SLC2A14: variants seen among roughly 807,000 people sequenced by gnomAD.
The protein encoded by SLC2A14 is solute carrier family 2, facilitated glucose transporter member 14.
In SLC2A14, 13 loss-of-function variants were observed where a neutral mutation model predicts 43.0. That is an observed-to-expected ratio of 0.30 (90% confidence interval 0.20 to 0.48). SLC2A14 has a LOEUF of 0.48. Among genes scored for constraint, SLC2A14 ranks in the 20% least tolerant of loss-of-function variants. The pLI, the probability that SLC2A14 is intolerant of heterozygous loss-of-function variation, is 0.99. For missense variants in SLC2A14, 428 were observed against 620.4 expected, an observed-to-expected ratio of 0.69 and a Z score of 3.29; for synonymous variants, 190 against 233.8, an observed-to-expected ratio of 0.81 and a Z score of 1.71.
chr12:7,870,923 T>C, intron 1 of SLC2A14: 1 of 1,415,730 alleles, frequency 7.1e-7, no homozygotes, highest in South Asian at 1.1e-5. Context: ...ATCCAATGTC[T>C]TCGTGATGTT....
At chr12:7,868,704 G>C (rs117012817) in intron 2 of SLC2A14, among the ~76,000 whole-genome samples, 3,824 of 152,164 alleles carry the variant, frequency 0.025, 75 homozygotes, top group Non-Finnish European at 0.038. Flanking sequence ...AAAAATACTT[G>C]AATAAAAGAA....
intron 1 of SLC2A14, among the ~76,000 whole-genome samples, chr12:7,887,639 A>G (rs1165305576): frequency 3.9e-5 from 6 of 151,994 alleles, no homozygotes; most frequent in African/African-American, 1.4e-4. Flanking sequence ...AATGTATGTT[A>G]CCTGTGTTGC....
At chr12:7,873,449 C>G (rs1434971410), upstream of SLC2A14, 5 of 736,604 alleles carry the variant, frequency 6.8e-6, no homozygotes, top group Non-Finnish European at 8.3e-6. Flanking sequence ...CGAGACCAGC[C>G]TGGCCAACAT....
upstream of SLC2A14, among the ~76,000 whole-genome samples, chr12:7,875,251 A>G (rs896436709): frequency 2.1e-4 from 29 of 140,504 alleles, no homozygotes; most frequent in Non-Finnish European, 3.8e-4. Flanking sequence ...TTATATATAT[A>G]TATATAATTT....
intron 2 of SLC2A14, among the ~76,000 whole-genome samples, chr12:7,842,677 A>T (rs1409170099): frequency 6.7e-6 from 1 of 149,052 alleles, no homozygotes; most frequent in East Asian, 2.0e-4. Flanking sequence ...CAGCTACATG[A>T]TGACTGAAGT....
chr12:7,879,662 C>T (rs1945531594), intron 1 of SLC2A14, among the ~76,000 whole-genome samples: 1 of 151,806 alleles, frequency 6.6e-6, no homozygotes, highest in South Asian at 2.1e-4. Context: ...CCAGCCTGGG[C>T]AACAAGAGTG....
intron 1 of SLC2A14, among the ~76,000 whole-genome samples, chr12:7,890,034 G>A (rs1945749536): frequency 6.6e-6 from 1 of 152,090 alleles, no homozygotes; most frequent in Non-Finnish European, 1.5e-5. Context: ...GGTTTTGGCT[G>A]GCTCCTTTAC....
At chr12:7,826,859 T>TTTCTTTTTTTTCTTTCTTTC (rs1299883332) in intron 7 of SLC2A14, among the ~76,000 whole-genome samples, 1 of 10,708 alleles carries the variant, frequency 9.3e-5, no homozygotes, top group Non-Finnish European at 2.5e-4. Context: ...CCTTCCTTTC[T>TTTCTTTTTTTTCTTTCTTTC]TTTTTCTTTC....
chr12:7,873,176 G>A, upstream of SLC2A14: 1 of 985,748 alleles, frequency 1.0e-6, no homozygotes. Context: ...AACTCTTTAC[G>A]GGGAAACAGT....
At chr12:7,825,916 A>G (rs1370979696) in intron 7 of SLC2A14, among the ~76,000 whole-genome samples, 3 of 151,842 alleles carry the variant, frequency 2.0e-5, no homozygotes, top group Admixed American at 1.3e-4. Context: ...TGCAGGGCCC[A>G]GACTGTGGTG....
rs1945201706 is a variant in SLC2A14 at position 7,871,046 on chromosome 12, AC to A, written c.-57-1110del. 43 of 1,417,460 alleles carry A rather than the reference AC, an allele frequency of 3.0e-5. No homozygotes were observed. In the South Asian group the frequency reaches 4.5e-4, roughly 15 times the overall value. 87.8% of individuals were successfully genotyped at this position (1,417,460 alleles called of 1,614,324 possible). On this transcript the variant is annotated intron_variant, in intron 1 of 10. Coordinates refer to ENST00000431042, the MANE Select transcript of SLC2A14 (RefSeq NM_001286234.2). ...GACAAGCTGGCTTCACCGCGGAAGAACCCCATGGATGAATACCTGCAGGGCA... is the reference window on the plus strand; with the variant it reads ...GACAAGCTGGCTTCACCGCGGAAGAACCCATGGATGAATACCTGCAGGGCA...
upstream of SLC2A14, among the ~76,000 whole-genome samples, chr12:7,875,180 A>ATAAATATTATATTTAAAATTAAAT (rs1466324875): frequency 3.9e-4 from 54 of 137,026 alleles, no homozygotes; most frequent in South Asian, 8.7e-3. Context: ...AATTATATAT[A>ATAAATATTATATTTAAAATTAAAT]ATATATAAAT....
At chr12:7,890,043 A>T (rs1945749644) in intron 1 of SLC2A14, among the ~76,000 whole-genome samples, 3 of 152,030 alleles carry the variant, frequency 2.0e-5, no homozygotes, top group African/African-American at 7.2e-5. Flanking sequence ...TGGCTCCTTT[A>T]CTGCAACCTG....
rs1000063296 is a variant in SLC2A14, at chr12:7,828,754, C to G, written c.626G>C (p.Ser209Thr). 2.7e-5 allele frequency: 43 copies of G among 1,614,022 alleles called. No homozygotes were observed. The highest frequency in any genetic ancestry group is 3.6e-5 in the Non-Finnish European group (42 of 1,180,028). Residue 209 changes from serine (S) to threonine (T), a missense_variant, in exon 6 of 11, where the codon AGT (serine) becomes ACT (threonine). Ser to Thr is a moderately conservative substitution (Grantham distance 58). Around this residue, in one of 4 missense-constraint regions of SLC2A14, gnomAD observed 185 missense variants for 275.4 expected, o/e 0.67. Transcript: ENST00000431042. ...TCTGTTAATGAGCAAAAATCTGGGA[C>G]TTTCAGGGCAACATGGAAGGGCTGC... is the stretch of plus-strand genomic sequence containing the variant. ...QSAALPCCPE[S>T]PRFLLINRKK...
Position 7,812,514 on chromosome 12 carries a change from T to A in SLC2A14, c.*1802A>T, listed in dbSNP as rs771847561. The A allele has an allele frequency of 6.6e-6, 1 of 152,344 alleles. No individual in the cohort carries two copies. Among genetic ancestry groups the A allele is most frequent in the South Asian group, 2.1e-4 (1 of 4,828 alleles). The allele number at this position is 152,344 out of a possible 1,614,324, so 9.4% of individuals were successfully genotyped here. A position where few individuals can be genotyped will look rare whatever the true frequency, so the allele number is the denominator to read the frequency against. On this transcript the variant is annotated 3_prime_UTR_variant, in exon 11 of 11. Transcript: ENST00000431042. ...ATAAATAAATAATGTGCTTGTGATG[T>A]CATGTACATTCAGAATTTTTATTTT...
At chr12:7,821,195 C>CA (rs1863879752) in intron 8 of SLC2A14, 26 bp downstream of exon 8, 10 of 1,581,662 alleles carry the variant, frequency 6.3e-6, no homozygotes, top group Non-Finnish European at 8.7e-6. Context: ...TTTCTCCCCC[C>CA]AAAATTATCA....
At chr12:7,857,062 C>T (rs766026423) in intron 2 of SLC2A14, among the ~76,000 whole-genome samples, 119 of 149,352 alleles carry the variant, frequency 8.0e-4, no homozygotes, top group Non-Finnish European at 1.5e-3. Flanking sequence ...CCATCTTGGC[C>T]AACATGGTGA....
intron 2 of SLC2A14, among the ~76,000 whole-genome samples, chr12:7,855,911 AG>A (rs1413544625): frequency 6.6e-6 from 1 of 152,118 alleles, no homozygotes; most frequent in Non-Finnish European, 1.5e-5. Context: ...CTGGGATTAC[AG>A]GTGTGAGCCA....
intron 1 of SLC2A14, among the ~76,000 whole-genome samples, chr12:7,878,788 C>G (rs1369895907): frequency 6.6e-6 from 1 of 151,186 alleles, no homozygotes; most frequent in East Asian, 1.9e-4. Context: ...ACCATCCTGG[C>G]CAACATGGTG....
Sources: gnomAD v4.1 joint callset for allele counts (sites outside exome capture counted in the v4.1 genomes callset) on GRCh38, gnomAD v4.1.1 for gene constraint, gnomAD v4.1.1 regional missense constraint, MANE v1.5 for transcripts, NCBI Gene and HGNC (gene_info 2026-07-23, HGNC 2026-07-21) for gene names.